Variants in SLC26A7 observed in about 807,000 individuals in gnomAD.
The protein encoded by SLC26A7 is anion exchange transporter.
Under a neutral mutation model 82.5 loss-of-function variants are expected in SLC26A7, and 59 were observed. The observed-to-expected ratio is 0.72, with a 90% CI of 0.58 to 0.89. The LOEUF (loss-of-function observed/expected upper bound fraction) is 0.89. Ranked by LOEUF, SLC26A7 falls within the 40% of genes least tolerant of loss-of-function variation. The pLI is 0.00. For synonymous variants in SLC26A7, 271 were observed against 274.3 expected (o/e 0.99, Z 0.12); for missense variants, 820 against 793.0 (o/e 1.03, Z -0.41).
At chr8:91,389,283 A>T in intron 15 of SLC26A7, 55 bp from the exon 16 acceptor site, 1 of 1,295,016 alleles carries the variant, frequency 7.7e-7, no homozygotes, top group Non-Finnish European at 1.1e-6. Context: ...CAACAAAGCC[A>T]GCAGCAGAAG....
At chr8:91,394,692 A>G in intron 18 of SLC26A7, 4 of 1,086,392 alleles carry the variant, frequency 3.7e-6, no homozygotes, top group Non-Finnish European at 3.4e-6. Context: ...TAATAACACT[A>G]TTATTATTAA....
chr8:91,338,383 G>A, intron 7 of SLC26A7, 151 bp downstream of exon 7: 1 of 509,744 alleles, frequency 2.0e-6, no homozygotes, highest in East Asian at 3.4e-5. Flanking sequence ...TTCATGTGTA[G>A]AGAAAGAGTA....
At chr8:91,341,055 T>A (rs946747082) in intron 8 of SLC26A7, among the ~76,000 whole-genome samples, 2 of 151,840 alleles carry the variant, frequency 1.3e-5, no homozygotes, top group African/African-American at 4.8e-5. Context: ...GTTACATATG[T>A]ATACATGTGC....
intron 5 of SLC26A7, among the ~76,000 whole-genome samples, chr8:91,329,565 C>T (rs776718755): frequency 3.9e-5 from 6 of 152,118 alleles, no homozygotes; most frequent in Non-Finnish European, 5.9e-5. Flanking sequence ...ACTGCAAACA[C>T]ATGTTCTCAA....
At chr8:91,307,708 G>C (rs1443574419) in intron 4 of SLC26A7, among the ~76,000 whole-genome samples, 1 of 140,394 alleles carries the variant, frequency 7.1e-6, no homozygotes, top group Non-Finnish European at 1.6e-5. Flanking sequence ...TAGATGACGA[G>C]TTAGTGGGTG....
At chr8:91,319,953 C>T (rs1422243391) in intron 5 of SLC26A7, among the ~76,000 whole-genome samples, 3 of 146,766 alleles carry the variant, frequency 2.0e-5, no homozygotes, top group Admixed American at 1.4e-4. Context: ...TTCTATTAAA[C>T]ACTTCGGTTA....
intron 5 of SLC26A7, among the ~76,000 whole-genome samples, chr8:91,323,590 C>T (rs1812852110): frequency 6.6e-6 from 1 of 152,178 alleles, no homozygotes; most frequent in African/African-American, 2.4e-5. Context: ...TACCATACTT[C>T]CCTTAGACCA....
intron 11 of SLC26A7, among the ~76,000 whole-genome samples, chr8:91,362,042 C>G (rs1814064153): frequency 1.3e-5 from 2 of 152,044 alleles, no homozygotes; most frequent in Non-Finnish European, 2.9e-5. Flanking sequence ...TCATGGCATG[C>G]TTTTGAACCA....
intron 15 of SLC26A7, among the ~76,000 whole-genome samples, chr8:91,372,853 A>G (rs575469362): frequency 1.3e-5 from 2 of 152,122 alleles, no homozygotes; most frequent in African/African-American, 4.8e-5. Context: ...CTTCATTTCC[A>G]TGACCATGGG....
intron 2 of SLC26A7, among the ~76,000 whole-genome samples, chr8:91,238,665 G>C (rs1429623231): frequency 1.3e-5 from 2 of 151,456 alleles, no homozygotes; most frequent in East Asian, 3.9e-4. Flanking sequence ...TAAGTCTTTG[G>C]TCCTTGGTTT....
chr8:91,247,417 TA>T (rs1810559849), upstream of SLC26A7, among the ~76,000 whole-genome samples: 1 of 152,154 alleles, frequency 6.6e-6, no homozygotes, highest in African/African-American at 2.4e-5. Context: ...AATTTCCTCA[TA>T]ATGTTTTTCT....
At chr8:91,386,581 T>A (rs1298565592) in intron 15 of SLC26A7, among the ~76,000 whole-genome samples, 1 of 152,176 alleles carries the variant, frequency 6.6e-6, no homozygotes, top group Non-Finnish European at 1.5e-5. Context: ...GCCATTGGAT[T>A]TTTAAAACTT....
rs749562146 is a variant in SLC26A7 at position 91,334,365 on chromosome 8, T to C, written c.713T>C (p.Ile238Thr). The change falls in exon 6 of 19, where the codon ATT (isoleucine) becomes ACT (threonine). Residue 238 changes from isoleucine (I) to threonine (T), a missense_variant. Ile to Thr is a moderately conservative substitution (Grantham distance 89). Transcript: ENST00000276609. ...LEALLLSLLS[I>T]VVLVLVKELN... ...GCATTGCTTTTATCCTTGCTGAGCA[T>C]TGTGGTCCTTGTTCTTGTTAAAGAG... The C allele has an allele frequency of 4.0e-5, 64 of 1,613,416 alleles. No homozygotes were observed. The highest frequency in any genetic ancestry group is 3.5e-4 in the Admixed American group (21 of 59,962).
intron 2 of SLC26A7, among the ~76,000 whole-genome samples, chr8:91,269,482 T>C (rs1041630176): frequency 6.6e-6 from 1 of 152,178 alleles, no homozygotes; most frequent in African/African-American, 2.4e-5. Flanking sequence ...TTTCTGCTAA[T>C]AAATTTTTTG....
chr8:91,312,143 A>T (rs939383850), intron 4 of SLC26A7, among the ~76,000 whole-genome samples: 1 of 152,160 alleles, frequency 6.6e-6, no homozygotes, highest in African/African-American at 2.4e-5. Flanking sequence ...CTTGGAAACC[A>T]TCATTCTACT....
At chr8:91,355,870 C>G (rs140492244) in intron 11 of SLC26A7, among the ~76,000 whole-genome samples, 42 of 152,228 alleles carry the variant, frequency 2.8e-4, no homozygotes, top group South Asian at 1.2e-3. Flanking sequence ...AATGCTATCC[C>G]TCCCCTCTCC....
chr8:91,271,618 G>A (rs1030139068), intron 2 of SLC26A7, among the ~76,000 whole-genome samples: 2 of 138,082 alleles, frequency 1.4e-5, no homozygotes, highest in African/African-American at 2.8e-5. Flanking sequence ...TTTTTGAGAC[G>A]GAGTCTCGCT....
At chr8:91,258,239 T>C (rs1810861545) in intron 2 of SLC26A7, among the ~76,000 whole-genome samples, 1 of 152,104 alleles carries the variant, frequency 6.6e-6, no homozygotes, top group Admixed American at 6.5e-5. Flanking sequence ...TAGGAATATA[T>C]TTCCATCTTA....
chr8:91,339,272 G>A (rs1268579139), intron 7 of SLC26A7, among the ~76,000 whole-genome samples: 1 of 151,912 alleles, frequency 6.6e-6, no homozygotes, highest in Admixed American at 6.6e-5. Flanking sequence ...AACTTAAGGA[G>A]GTGGGTTAAA....
Sources: gnomAD v4.1 joint callset for allele counts (sites outside exome capture counted in the v4.1 genomes callset) on GRCh38, gnomAD v4.1.1 for gene constraint, MANE v1.5 for transcripts, NCBI Gene and HGNC (gene_info 2026-07-23, HGNC 2026-07-21) for gene names.